The following CSMD1 variants were observed in gnomAD, a reference collection of about 807,000 sequenced individuals.
The protein encoded by CSMD1 is CUB and sushi domain-containing protein 1.
Under a neutral mutation model 417.5 loss-of-function variants are expected in CSMD1, and 213 were observed. That is an observed-to-expected ratio of 0.51 (90% CI 0.46 to 0.57). CSMD1 has a LOEUF of 0.57. Among genes scored for constraint, CSMD1 ranks in the 20% least tolerant of loss-of-function variants. CSMD1 has a pLI of 0.00. For synonymous variants in CSMD1, 2,862 were observed against 1,736.8 expected (o/e 1.65, Z -16.11); for missense variants, 6,923 against 4,529.7 (o/e 1.53, Z -15.17).
At chr8:3,077,766 G>C (rs897677822) in intron 49 of CSMD1, among the ~76,000 whole-genome samples, 1 of 152,196 alleles carries the variant, frequency 6.6e-6, no homozygotes, top group Non-Finnish European at 1.5e-5. Flanking sequence ...TTTTCAAACT[G>C]TCACTTTCAC....
intron 25 of CSMD1, among the ~76,000 whole-genome samples, chr8:3,305,397 C>G (rs1563250743): frequency 6.6e-6 from 1 of 151,772 alleles, no homozygotes; most frequent in Non-Finnish European, 1.5e-5. Flanking sequence ...AATTTAATTG[C>G]CATTGTAGCC....
At chr8:4,480,191 AAAAAAAAAAC>A (rs1039371550) in intron 2 of CSMD1, among the ~76,000 whole-genome samples, 2 of 151,270 alleles carry the variant, frequency 1.3e-5, no homozygotes, top group Non-Finnish European at 2.9e-5. Context: ...ATCTCACAAA[AAAAAAAAAAC>A]AAAAAAAAAC....
intron 5 of CSMD1, among the ~76,000 whole-genome samples, chr8:3,969,094 T>G (rs926565285): frequency 6.6e-6 from 1 of 152,008 alleles, no homozygotes. Context: ...CTACTAAAAA[T>G]ACAAAAATTA....
At chr8:4,767,505 G>C (rs1271771654) in intron 1 of CSMD1, among the ~76,000 whole-genome samples, 2 of 152,078 alleles carry the variant, frequency 1.3e-5, no homozygotes, top group Admixed American at 6.5e-5. Context: ...ACCTGCCTGA[G>C]ACCAACTTAC....
At chr8:4,654,551 G>A (rs564415113) in intron 1 of CSMD1, among the ~76,000 whole-genome samples, 2 of 152,192 alleles carry the variant, frequency 1.3e-5, no homozygotes, top group South Asian at 4.1e-4. Context: ...GGAGTTTAGA[G>A]GGGGAGGAAT....
intron 2 of CSMD1, among the ~76,000 whole-genome samples, chr8:4,428,422 A>G (rs77163820): frequency 6.6e-6 from 1 of 152,202 alleles, no homozygotes; most frequent in African/African-American, 2.4e-5. Flanking sequence ...TACCTAAATG[A>G]TTTGCTAATG....
chr8:3,153,705 C>T (rs1186376464), intron 39 of CSMD1, among the ~76,000 whole-genome samples: 2 of 152,176 alleles, frequency 1.3e-5, no homozygotes, highest in Admixed American at 1.3e-4. Context: ...GAGGGGCTGG[C>T]CCAGGACCTC....
At chr8:3,308,890 A>AT (rs1335524417) in intron 23 of CSMD1, among the ~76,000 whole-genome samples, 3 of 151,626 alleles carry the variant, frequency 2.0e-5, no homozygotes, top group Admixed American at 1.3e-4. Context: ...TGTCCAGCTA[A>AT]TTTTTTGTAT....
chr8:3,428,172 T>A (rs1015633711), intron 12 of CSMD1, among the ~76,000 whole-genome samples: 2 of 152,226 alleles, frequency 1.3e-5, no homozygotes, highest in African/African-American at 4.8e-5. Flanking sequence ...TTCAACTATA[T>A]GGTTGGGGAC....
At chr8:4,094,007 T>TAC (rs1800865217) in intron 3 of CSMD1, among the ~76,000 whole-genome samples, 1 of 150,942 alleles carries the variant, frequency 6.6e-6, no homozygotes, top group African/African-American at 2.4e-5. Context: ...GATAGATAGA[T>TAC]AGATAAAGAA....
intron 26 of CSMD1, among the ~76,000 whole-genome samples, chr8:3,263,023 C>G (rs1025246759): frequency 6.6e-6 from 1 of 152,164 alleles, no homozygotes; most frequent in African/African-American, 2.4e-5. Flanking sequence ...ATCTCCTTGA[C>G]CCATAAATTC....
chr8:4,750,526 C>T lies in CSMD1; in HGVS notation c.86-112968G>A, dbSNP rs906108037. Among the ~76,000 whole-genome samples, 6 of 151,912 alleles carry T rather than the reference C, an allele frequency of 3.9e-5. No individual in the cohort carries two copies. The South Asian group carries it at 1.2e-3, about 32-fold the overall frequency. ...TATTATATTTTAATGTTAAGATTTTCCTATATTTTGAAAATTTTATCAGCA... is the reference window on the plus strand; with the variant it reads ...TATTATATTTTAATGTTAAGATTTTTCTATATTTTGAAAATTTTATCAGCA... On this transcript the variant is annotated intron_variant, in intron 1 of 69. Transcript: ENST00000635120.
intron 1 of CSMD1, among the ~76,000 whole-genome samples, chr8:4,849,435 T>C (rs1317656522): frequency 6.6e-6 from 1 of 152,098 alleles, no homozygotes; most frequent in Non-Finnish European, 1.5e-5. Flanking sequence ...ACCCTCAGTG[T>C]ACAACGGTTG....
intron 1 of CSMD1, among the ~76,000 whole-genome samples, chr8:4,964,699 C>A (rs1485969366): frequency 6.6e-6 from 1 of 152,094 alleles, no homozygotes; most frequent in Non-Finnish European, 1.5e-5. Flanking sequence ...GTTCCAGAAA[C>A]TCAGTTATGG....
chr8:3,513,499 G>T (rs1039085655), intron 10 of CSMD1, among the ~76,000 whole-genome samples: 12 of 151,970 alleles, frequency 7.9e-5, no homozygotes, highest in African/African-American at 2.2e-4. Context: ...TTGTGATCGT[G>T]TGAGTCAATA....
At position 3,347,886 on chromosome 8, in the gene CSMD1, AAT is replaced by A. The variant is rs1453555206; in HGVS notation, c.3474+104_3474+105del. On this transcript the variant is annotated intron_variant, in intron 22 of 69. Transcript: ENST00000635120. ...TAAATACAAATAAATCATATATAAA[AAT>A]ATATGTTAATATGTGCATATATCTA... The A allele has an allele frequency of 4.9e-5, 32 of 654,448 alleles. No homozygotes were observed. The East Asian group carries it at 5.2e-4, about 11-fold the overall frequency. The allele number at this position is 654,448 out of a possible 1,614,324, so 40.5% of individuals were successfully genotyped here.
chr8:4,447,045 G>T (rs190715219), intron 2 of CSMD1, among the ~76,000 whole-genome samples: 1 of 152,186 alleles, frequency 6.6e-6, no homozygotes, highest in Admixed American at 6.5e-5. Context: ...AGGATCATCA[G>T]CCTGTGTCAG....
intron 1 of CSMD1, among the ~76,000 whole-genome samples, chr8:4,848,836 GC>G (rs1563579580): frequency 6.6e-6 from 1 of 152,138 alleles, no homozygotes; most frequent in African/African-American, 2.4e-5. Context: ...GAGCCAACGC[GC>G]CCAACCCAGT....
In CSMD1 at chr8:3,368,854, G is replaced by C. The variant is rs567647039; in HGVS notation, c.2899+400C>G. Among the ~76,000 whole-genome samples the C allele has an allele frequency of 1.3e-4, 20 of 152,168 alleles. 1 individual carries two copies. In the South Asian group the frequency reaches 3.5e-3, roughly 27 times the overall value. On this transcript the variant is annotated intron_variant, in intron 19 of 69. Coordinates refer to ENST00000635120, the MANE Select transcript of CSMD1 (RefSeq NM_033225.6). The stretch of plus-strand genomic sequence containing the variant: ...TTATTCATTATGTATGATGATACTG[G>C]GTAAACATAAAATACAAGGAAAGTA...
Sources: allele counts gnomAD v4.1 joint callset (sites outside exome capture counted in the v4.1 genomes callset), GRCh38; gene constraint gnomAD v4.1.1; transcripts MANE v1.5; gene names NCBI Gene and HGNC (gene_info 2026-07-23, HGNC 2026-07-21).